The following POGLUT1 variants were observed in gnomAD, a reference collection of about 807,000 sequenced individuals.
POGLUT1 encodes the protein 9630046K23Rik.
In POGLUT1, 32 loss-of-function variants were observed where a neutral mutation model predicts 61.3. The observed-to-expected ratio is 0.52, with a 90% CI of 0.39 to 0.70. POGLUT1 has a LOEUF of 0.70. Among genes scored for constraint, POGLUT1 ranks in the 30% least tolerant of loss-of-function variants. The probability of loss-of-function intolerance (pLI) is 0.00; values close to 1 mark genes in which losing one functional copy is unlikely to be tolerated. For missense variants in POGLUT1, 411 were observed against 469.8 expected, an observed-to-expected ratio of 0.87 and a Z score of 1.16; for synonymous variants, 158 against 158.2, an observed-to-expected ratio of 1.00 and a Z score of 0.01.
At position 119,485,032 on chromosome 3, in the gene POGLUT1, C is replaced by T. The variant is rs1054656183; in HGVS notation, c.579-296C>T. Among the ~76,000 whole-genome samples the T allele has an allele frequency of 9.2e-5, 14 of 152,162 alleles. No individual in the cohort carries two copies. In the South Asian group the frequency reaches 2.7e-3, roughly 29 times the overall value. On this transcript the variant is annotated intron_variant, in intron 5 of 10. Coordinates refer to ENST00000295588, the MANE Select transcript of POGLUT1 (RefSeq NM_152305.3). ...GAGATAGAGACCATCCTGGCTAACA[C>T]GGTGAAACCCTGTCTCTACTAAAAA...
In POGLUT1 at chr3:119,471,420, G is replaced by A. The variant is rs138038847; in HGVS notation, c.288G>A (p.Leu96=). ...ACTATCAGATCACTAAGAACAGACT[G>A]TACCGGGAAAATGACTGCATGTTCC... ...GTHYQITKNR[L]YRENDCMFPS... Residue 96 remains leucine (L), a synonymous_variant, in exon 3 of 11, where the codon CTG becomes CTA. Transcript: ENST00000295588. The A allele has an allele frequency of 3.5e-4, 561 of 1,614,068 alleles. No homozygotes were observed. The highest frequency in any genetic ancestry group is 4.5e-4 in the Non-Finnish European group (535 of 1,179,916).
intron 5 of POGLUT1, 149 bp from the exon 6 acceptor site, chr3:119,485,179 T>C (rs879100646): frequency 4.2e-6 from 2 of 479,210 alleles, no homozygotes; most frequent in South Asian, 6.0e-5. Context: ...ATCGCGCCAC[T>C]GCACTCCAGC....
At position 119,491,814 on chromosome 3, in the gene POGLUT1, G is replaced by A. The variant is rs537307359; in HGVS notation, c.1022+240G>A. 6.6e-5 allele frequency among the ~76,000 whole-genome samples: 10 copies of A among 152,330 alleles called. No homozygotes were observed. The South Asian group carries it at 8.3e-4, about 13-fold the overall frequency. On this transcript the variant is annotated intron_variant, in intron 10 of 10. Coordinates refer to ENST00000295588, the MANE Select transcript of POGLUT1 (RefSeq NM_152305.3). Reference sequence around the variant, plus strand: ...TAACGCCTGTAATCCCAGCACTCTGGAAGGCCGAGGTGGGCGGATCACCTG... The same window carrying A: ...TAACGCCTGTAATCCCAGCACTCTGAAAGGCCGAGGTGGGCGGATCACCTG...
At chr3:119,478,232 A>G (rs2081563332) in intron 4 of POGLUT1, 1 of 407,398 alleles carries the variant, frequency 2.5e-6, no homozygotes, top group South Asian at 1.8e-5. Flanking sequence ...GGAAAACCCC[A>G]TGAAATTTGG....
At chr3:119,487,867 A>G (rs1302264276) in intron 7 of POGLUT1, among the ~76,000 whole-genome samples, 1 of 152,170 alleles carries the variant, frequency 6.6e-6, no homozygotes, top group Non-Finnish European at 1.5e-5. Flanking sequence ...ATGAGTCAGA[A>G]TCTCTGGGAA....
At chr3:119,484,390 T>C (rs2081641341) in intron 5 of POGLUT1, among the ~76,000 whole-genome samples, 2 of 152,184 alleles carry the variant, frequency 1.3e-5, no homozygotes, top group South Asian at 4.1e-4. Flanking sequence ...TGTGCAGACT[T>C]CTGTGCAGGG....
Position 119,471,465 on chromosome 3 carries a change from G to T in POGLUT1, c.320+13G>T. ...TGTTCCCCTCAAGGTAAGAGTTAACGAGGTAGATATATCTTCTGACTTTAT... is the reference window on the plus strand; with the variant it reads ...TGTTCCCCTCAAGGTAAGAGTTAACTAGGTAGATATATCTTCTGACTTTAT... On this transcript the variant is annotated intron_variant, in intron 3 of 10. Coordinates refer to ENST00000295588, the MANE Select transcript of POGLUT1 (RefSeq NM_152305.3). 5 of 1,612,494 alleles carry T rather than the reference G, an allele frequency of 3.1e-6. No homozygotes were observed. The highest frequency in any genetic ancestry group is 4.2e-6 in the Non-Finnish European group (5 of 1,178,804).
At chr3:119,472,271 T>G (rs1289698672) in intron 3 of POGLUT1, among the ~76,000 whole-genome samples, 1 of 151,930 alleles carries the variant, frequency 6.6e-6, no homozygotes, top group Non-Finnish European at 1.5e-5. Flanking sequence ...AATATTCCCT[T>G]ATGTAAGAGC....
intron 1 of POGLUT1, 23 bp downstream of exon 1, chr3:119,469,129 C>T (rs772581286): frequency 4.5e-6 from 7 of 1,560,632 alleles, no homozygotes; most frequent in Non-Finnish European, 6.1e-6. Context: ...CAGTGCCGAG[C>T]CTGCCCCTTG....
At chr3:119,479,836 A>T in intron 4 of POGLUT1, 1 of 1,194,002 alleles carries the variant, frequency 8.4e-7, no homozygotes, top group Non-Finnish European at 1.2e-6. Context: ...CTTTAATGTG[A>T]TTCTGAATTC....
intron 2 of POGLUT1, among the ~76,000 whole-genome samples, chr3:119,470,500 C>T (rs938017236): frequency 1.3e-4 from 20 of 152,288 alleles, no homozygotes; most frequent in Admixed American, 9.8e-4. Flanking sequence ...CGCTTGAACC[C>T]GGGAAGCAGA....
intron 10 of POGLUT1, among the ~76,000 whole-genome samples, chr3:119,491,781 G>T (rs557844333): frequency 6.6e-6 from 1 of 152,324 alleles, no homozygotes; most frequent in African/African-American, 2.4e-5. Flanking sequence ...TGGGCCGGGC[G>T]TGGTGGCTAA....
At chr3:119,483,941 T>C (rs2081635107) in intron 5 of POGLUT1, among the ~76,000 whole-genome samples, 1 of 152,266 alleles carries the variant, frequency 6.6e-6, no homozygotes, top group Non-Finnish European at 1.5e-5. Context: ...CATTGTTACC[T>C]CTGGACAGGG....
intron 2 of POGLUT1, 90 bp from the exon 3 acceptor site, chr3:119,471,219 C>A: frequency 8.5e-7 from 1 of 1,171,716 alleles, no homozygotes; most frequent in Admixed American, 1.9e-5. Context: ...ACTGTGTTCT[C>A]TAATACGAAA....
At position 119,493,610 on chromosome 3, in the gene POGLUT1, A is replaced by G. The variant is rs1280476101; in HGVS notation, c.*1172A>G. ...TCTCTTCCTTTGTCTTTTAAGAACT[A>G]TTTGGTATTAACTAGTTTCAGAATT... is the stretch of plus-strand genomic sequence containing the variant. On this transcript the variant is annotated 3_prime_UTR_variant, in exon 11 of 11. Coordinates refer to ENST00000295588, the MANE Select transcript of POGLUT1 (RefSeq NM_152305.3). 6.6e-6 allele frequency: 1 copy of G among 152,134 alleles called. No individual in the cohort carries two copies. Among genetic ancestry groups the G allele is most frequent in the Non-Finnish European group, 1.5e-5 (1 of 68,006 alleles). The allele number at this position is 152,134 out of a possible 1,614,324, so 9.4% of individuals were successfully genotyped here. A position where few individuals can be genotyped will look rare whatever the true frequency, so the allele number is the denominator to read the frequency against.
chr3:119,491,635 C>A, intron 10 of POGLUT1, 61 bp downstream of exon 10: 1 of 770,126 alleles, frequency 1.3e-6, no homozygotes, highest in Non-Finnish European at 2.2e-6. Context: ...TATGCCCTAG[C>A]CAAAGTTATC....
At position 119,490,543 on chromosome 3, in the gene POGLUT1, T is replaced by A; in HGVS notation, c.798-8T>A. 1 of 1,613,124 alleles carries A rather than the reference T, an allele frequency of 6.2e-7. No individual in the cohort carries two copies. The highest frequency in any genetic ancestry group is 2.2e-5 in the East Asian group (1 of 44,876). ...AGTATCAAATGTATTTTGTTCTTTT[T>A]TCCCCAGGTATCTGTTTAATTTTCG... On this transcript the variant is annotated splice_region_variant and splice_polypyrimidine_tract_variant and intron_variant, in intron 8 of 10. Transcript: ENST00000295588.
intron 7 of POGLUT1, 128 bp from the exon 8 acceptor site, chr3:119,488,801 C>A: frequency 3.9e-6 from 2 of 513,728 alleles, no homozygotes; most frequent in Non-Finnish European, 7.3e-6. Context: ...ATAATAATGT[C>A]TCCTGAGTAT....
intron 3 of POGLUT1, among the ~76,000 whole-genome samples, chr3:119,476,390 A>G (rs1667621190): frequency 6.6e-6 from 1 of 150,990 alleles, no homozygotes; most frequent in African/African-American, 2.4e-5. Flanking sequence ...ATCTTTTCCT[A>G]TGTTTGTGAA....
Sources: allele counts gnomAD v4.1 joint callset (sites outside exome capture counted in the v4.1 genomes callset), GRCh38; gene constraint gnomAD v4.1.1; transcripts MANE v1.5; gene names NCBI Gene and HGNC (gene_info 2026-07-23, HGNC 2026-07-21).